PTPRD: variants seen among roughly 807,000 people sequenced by gnomAD.
PTPRD encodes the protein protein tyrosine phosphatase receptor type D.
A neutral mutation model predicts 214.5 loss-of-function variants in PTPRD; 34 were observed. The observed-to-expected ratio is 0.16, with a 90% CI of 0.12 to 0.21. PTPRD has a LOEUF of 0.21. Among genes scored for constraint, PTPRD ranks in the 10% least tolerant of loss-of-function variants. The pLI, the probability that PTPRD is intolerant of heterozygous loss-of-function variation, is 1.00. For synonymous variants in PTPRD, 1,128 were observed against 845.7 expected (o/e 1.33, Z -5.79); for missense variants, 2,545 against 2,398.7 (o/e 1.06, Z -1.27).
intron 8 of PTPRD, among the ~76,000 whole-genome samples, chr9:9,571,434 T>G (rs1563767140): frequency 6.6e-6 from 1 of 151,376 alleles, no homozygotes; most frequent in Admixed American, 6.6e-5. Context: ...TGTTATATGC[T>G]TATATAACTT....
At chr9:8,768,248 AT>A (rs1332087646) in intron 11 of PTPRD, among the ~76,000 whole-genome samples, 1 of 152,194 alleles carries the variant, frequency 6.6e-6, no homozygotes, top group East Asian at 1.9e-4. Context: ...AAATTAAAAA[AT>A]AAAATAACAC....
chr9:9,164,268 T>C (rs1445207), intron 10 of PTPRD, among the ~76,000 whole-genome samples: 122,112 of 152,032 alleles, frequency 0.8, 49,180 homozygotes, highest in African/African-American at 0.84. Flanking sequence ...TGGCTTGTGG[T>C]CCCTTCCTCT....
chr9:8,720,184 T>C (rs1017206714), intron 12 of PTPRD, among the ~76,000 whole-genome samples: 3 of 152,202 alleles, frequency 2.0e-5, no homozygotes, highest in Non-Finnish European at 2.9e-5. Flanking sequence ...CCAAGATGGC[T>C]TGGCTCTTAT....
chr9:9,302,973 G>C (rs557351784), intron 9 of PTPRD, among the ~76,000 whole-genome samples: 1 of 151,858 alleles, frequency 6.6e-6, no homozygotes, highest in Non-Finnish European at 1.5e-5. Context: ...CCTCTCTTTA[G>C]ATTCTATGCT....
At chr9:9,420,828 C>T (rs1454403948) in intron 8 of PTPRD, among the ~76,000 whole-genome samples, 1 of 151,854 alleles carries the variant, frequency 6.6e-6, no homozygotes, top group Non-Finnish European at 1.5e-5. Context: ...GCAGTGATTT[C>T]ACTTATGTAT....
intron 2 of PTPRD, among the ~76,000 whole-genome samples, chr9:10,412,219 T>G (rs1452372376): frequency 2.0e-5 from 3 of 151,212 alleles, no homozygotes; most frequent in African/African-American, 7.3e-5. Context: ...TAATTAGAAA[T>G]GAAAAAAGGA....
chr9:8,983,342 CCT>C (rs924621504), intron 11 of PTPRD, among the ~76,000 whole-genome samples: 3 of 151,944 alleles, frequency 2.0e-5, no homozygotes, highest in African/African-American at 7.2e-5. Context: ...GGGAAAAAAA[CCT>C]CTGATGCCAG....
intron 3 of PTPRD, among the ~76,000 whole-genome samples, chr9:10,339,808 AAAC>A (rs1205917757): frequency 1.3e-5 from 2 of 151,686 alleles, no homozygotes; most frequent in East Asian, 3.9e-4. Flanking sequence ...TAGAACCAAC[AAAC>A]AACAATAATA....
chr9:9,499,944 C>T (rs1250118412), intron 8 of PTPRD, among the ~76,000 whole-genome samples: 2 of 152,046 alleles, frequency 1.3e-5, no homozygotes, highest in Non-Finnish European at 2.9e-5. Flanking sequence ...AGAAGTGATA[C>T]TGCAGCAATA....
At chr9:8,412,385 G>A (rs543837090) in intron 35 of PTPRD, among the ~76,000 whole-genome samples, 17 of 152,120 alleles carry the variant, frequency 1.1e-4, no homozygotes, top group South Asian at 2.1e-4. Flanking sequence ...ACTAATTTAC[G>A]GTGTTAGTAA....
rs563392221 is a variant in PTPRD, at chr9:10,061,891, G to A, written c.-544-28101C>T. 3.3e-5 allele frequency among the ~76,000 whole-genome samples: 5 copies of A among 151,990 alleles called. No individual in the cohort carries two copies. The East Asian group carries it at 5.8e-4, about 18-fold the overall frequency. ...TGGACCTGCAGCTTTATTATCACCCGGAACTCGCTAGAAATGCAGCAAATT... is the reference window on the plus strand; with the variant it reads ...TGGACCTGCAGCTTTATTATCACCCAGAACTCGCTAGAAATGCAGCAAATT... On this transcript the variant is annotated intron_variant, in intron 3 of 45. Transcript: ENST00000381196.
intron 8 of PTPRD, among the ~76,000 whole-genome samples, chr9:9,522,157 C>CAA (rs770450649): frequency 0.03 from 1,157 of 38,762 alleles, 29 homozygotes; most frequent in Non-Finnish European, 0.05. Context: ...ATCTCCATCT[C>CAA]AAAAAAAAAA....
intron 13 of PTPRD, 143 bp downstream of exon 13, chr9:8,636,556 T>G (rs1443909171): frequency 3.6e-6 from 4 of 1,106,802 alleles, no homozygotes; most frequent in African/African-American, 3.1e-5. Flanking sequence ...CCATTTAGAG[T>G]TACATTTTCC....
chr9:8,845,836 G>A (rs529189167), intron 11 of PTPRD, among the ~76,000 whole-genome samples: 1 of 152,174 alleles, frequency 6.6e-6, no homozygotes, highest in Non-Finnish European at 1.5e-5. Context: ...CCAGAACCGA[G>A]ATCAATTTTA....
At chr9:8,790,180 T>G (rs2096168019) in intron 11 of PTPRD, among the ~76,000 whole-genome samples, 2 of 151,684 alleles carry the variant, frequency 1.3e-5, no homozygotes. Context: ...CTATGCCTAA[T>G]ATTTTTTTTA....
intron 8 of PTPRD, among the ~76,000 whole-genome samples, chr9:9,529,078 G>A (rs751955049): frequency 6.6e-6 from 1 of 151,480 alleles, no homozygotes; most frequent in Non-Finnish European, 1.5e-5. Context: ...GATTACAGGT[G>A]CATGCCACCA....
intron 3 of PTPRD, among the ~76,000 whole-genome samples, chr9:10,096,501 A>T (rs1417955766): frequency 6.6e-6 from 1 of 151,726 alleles, no homozygotes; most frequent in East Asian, 1.9e-4. Flanking sequence ...GATGATGAGC[A>T]TTTTTTCATG....
At chr9:9,272,134 A>T (rs1277694757) in intron 9 of PTPRD, among the ~76,000 whole-genome samples, 1 of 151,224 alleles carries the variant, frequency 6.6e-6, no homozygotes, top group Non-Finnish European at 1.5e-5. Context: ...CACAAGTTCT[A>T]AAAGTCTGCA....
chr9:8,447,975 T>G (rs981373358), intron 34 of PTPRD, among the ~76,000 whole-genome samples: 12 of 152,250 alleles, frequency 7.9e-5, no homozygotes, highest in African/African-American at 2.9e-4. Flanking sequence ...TTGGGTCCTC[T>G]ATACATTGAG....
Sources: allele counts gnomAD v4.1 joint callset (sites outside exome capture counted in the v4.1 genomes callset), GRCh38; gene constraint gnomAD v4.1.1; transcripts MANE v1.5; gene names NCBI Gene and HGNC (gene_info 2026-07-23, HGNC 2026-07-21).